DLGAP1: variants seen among roughly 807,000 people sequenced by gnomAD.
DLGAP1 encodes DLG associated protein 1, also known as disks large-associated protein 1.
A neutral mutation model predicts 90.8 loss-of-function variants in DLGAP1; 11 were observed. The ratio of observed to expected loss-of-function variants is 0.12; its 90% CI spans 0.08 to 0.20. DLGAP1 has a LOEUF of 0.20. Ranked by LOEUF, DLGAP1 falls within the 10% of genes least tolerant of loss-of-function variation. DLGAP1 has a pLI of 1.00. For synonymous variants in DLGAP1, 558 were observed against 540.7 expected (o/e 1.03, Z -0.44); for missense variants, 1,050 against 1,333.8 (o/e 0.79, Z 3.31).
chr18:3,531,418 C>T (rs2051995184), intron 10 of DLGAP1, among the ~76,000 whole-genome samples: 1 of 151,980 alleles, frequency 6.6e-6, no homozygotes, highest in African/African-American at 2.4e-5. Context: ...GCCTGGGTGA[C>T]AAGAGCAAGA....
intron 1 of DLGAP1, among the ~76,000 whole-genome samples, chr18:4,161,276 C>T (rs941720452): frequency 6.6e-6 from 1 of 151,984 alleles, no homozygotes; most frequent in Non-Finnish European, 1.5e-5. Flanking sequence ...TGTTGTTTCC[C>T]CGACCAACCC....
intron 7 of DLGAP1, among the ~76,000 whole-genome samples, chr18:3,656,700 G>C (rs1567909046): frequency 6.6e-6 from 1 of 152,006 alleles, no homozygotes. Context: ...AAGCAAGTCA[G>C]TACCCTTGAC....
At chr18:4,332,068 A>G (rs1026652) in intron 1 of DLGAP1, among the ~76,000 whole-genome samples, 20,108 of 151,918 alleles carry the variant, frequency 0.13, 1,675 homozygotes, top group African/African-American at 0.2. Flanking sequence ...GCCCAGCTCT[A>G]TGGAAACCAA....
At chr18:4,097,546 T>A (rs1446663992) in intron 2 of DLGAP1, among the ~76,000 whole-genome samples, 1 of 152,208 alleles carries the variant, frequency 6.6e-6, no homozygotes, top group South Asian at 2.1e-4. Context: ...CAGGTAGGAG[T>A]TTAGGCTGAT....
At chr18:4,384,167 A>T (rs1310904189) in intron 1 of DLGAP1, among the ~76,000 whole-genome samples, 4 of 152,164 alleles carry the variant, frequency 2.6e-5, no homozygotes, top group African/African-American at 9.7e-5. Context: ...TGTTTAACCT[A>T]CCTAATATCG....
At chr18:3,680,574 T>C (rs950276522) in intron 7 of DLGAP1, among the ~76,000 whole-genome samples, 1 of 151,880 alleles carries the variant, frequency 6.6e-6, no homozygotes. Flanking sequence ...GATCATGGAG[T>C]CAGGAGATCA....
At chr18:3,924,355 T>G (rs1287192082) in intron 3 of DLGAP1, among the ~76,000 whole-genome samples, 2 of 152,240 alleles carry the variant, frequency 1.3e-5, no homozygotes, top group Non-Finnish European at 1.5e-5. Flanking sequence ...CTCCCAGGTG[T>G]GGTGCCCTAG....
intron 7 of DLGAP1, among the ~76,000 whole-genome samples, chr18:3,583,184 A>ACCTTCCTTCCTTCCTT (rs1194711711): frequency 2.0e-4 from 25 of 127,816 alleles, no homozygotes; most frequent in African/African-American, 6.3e-4. Context: ...CTACCTACCT[A>ACCTTCCTTCCTTCCTT]CCTTCCTTCC....
chr18:3,947,632 CTT>C (rs763177190), intron 3 of DLGAP1, among the ~76,000 whole-genome samples: 10 of 152,206 alleles, frequency 6.6e-5, no homozygotes, highest in Non-Finnish European at 1.3e-4. Flanking sequence ...CTTTACCACA[CTT>C]TGAGGTTTAA....
At chr18:4,117,865 C>T (rs1292812852) in intron 2 of DLGAP1, among the ~76,000 whole-genome samples, 1 of 152,098 alleles carries the variant, frequency 6.6e-6, no homozygotes, top group Non-Finnish European at 1.5e-5. Context: ...TGTGCTTAAG[C>T]CTCTAGTGCC....
intron 5 of DLGAP1, among the ~76,000 whole-genome samples, chr18:3,752,525 C>T (rs1200228693): frequency 1.4e-5 from 2 of 138,306 alleles, no homozygotes; most frequent in African/African-American, 5.4e-5. Flanking sequence ...CTCCCTCCCT[C>T]CCTCCGTTCC....
chr18:4,455,156 G>T lies in DLGAP1; in HGVS notation c.-417C>A, dbSNP rs1314359722. On this transcript the variant is annotated 5_prime_UTR_variant, in exon 1 of 13. Transcript: ENST00000315677. ...CGAGAGAGGAGCCGAGGCGGCGGCG[G>T]CCGTTCGCGCCGCCTATGCTGCCGA... 1.3e-5 allele frequency: 2 copies of T among 151,592 alleles called. No homozygotes were observed. Among genetic ancestry groups the T allele is most frequent in the Non-Finnish European group, 2.9e-5 (2 of 67,882 alleles). 9.4% of individuals were successfully genotyped at this position (151,592 alleles called of 1,614,324 possible).
intron 7 of DLGAP1, among the ~76,000 whole-genome samples, chr18:3,719,681 C>G (rs916087555): frequency 6.6e-6 from 1 of 151,798 alleles, no homozygotes; most frequent in African/African-American, 2.4e-5. Context: ...GTACAGGGAC[C>G]TCTATGTACT....
At chr18:3,919,900 A>G (rs8086199) in intron 3 of DLGAP1, among the ~76,000 whole-genome samples, 17,746 of 152,240 alleles carry the variant, frequency 0.12, 1,920 homozygotes, top group African/African-American at 0.29. Flanking sequence ...GAGTGAACAC[A>G]TAGCACTGTG....
chr18:4,182,157 C>T (rs2077220623), intron 1 of DLGAP1, among the ~76,000 whole-genome samples: 1 of 152,034 alleles, frequency 6.6e-6, no homozygotes, highest in Admixed American at 6.6e-5. Flanking sequence ...TTTCTGACAG[C>T]AGGTATGGGA....
intron 7 of DLGAP1, among the ~76,000 whole-genome samples, chr18:3,599,839 G>A (rs369406778): frequency 7.2e-5 from 11 of 152,046 alleles, no homozygotes; most frequent in African/African-American, 2.2e-4. Flanking sequence ...GGATGGTCTC[G>A]ATCTCTTGAC....
At chr18:3,640,608 G>A (rs2058903237) in intron 7 of DLGAP1, among the ~76,000 whole-genome samples, 1 of 152,204 alleles carries the variant, frequency 6.6e-6, no homozygotes, top group Admixed American at 6.5e-5. Context: ...GGACCCTGGG[G>A]TCATCTAATC....
chr18:4,047,444 A>G (rs1346757278), intron 2 of DLGAP1, among the ~76,000 whole-genome samples: 1 of 152,256 alleles, frequency 6.6e-6, no homozygotes, highest in Non-Finnish European at 1.5e-5. Flanking sequence ...AGCTCTATGT[A>G]AAGTAGCCAA....
chr18:3,823,769 G>A (rs1015493045), intron 4 of DLGAP1, among the ~76,000 whole-genome samples: 2 of 151,886 alleles, frequency 1.3e-5, no homozygotes, highest in Admixed American at 1.3e-4. Flanking sequence ...GGCCAACATG[G>A]TAAAACCCTG....
Sources: allele counts gnomAD v4.1 joint callset (sites outside exome capture counted in the v4.1 genomes callset), GRCh38; gene constraint gnomAD v4.1.1; transcripts MANE v1.5; gene names NCBI Gene and HGNC (gene_info 2026-07-23, HGNC 2026-07-21).